DYM: variants seen among roughly 807,000 people sequenced by gnomAD.
The protein encoded by DYM is dyggve-Melchior-Clausen syndrome protein.
Under a neutral mutation model 93.1 loss-of-function variants are expected in DYM, and 78 were observed. The observed-to-expected ratio is 0.84, with a 90% CI of 0.70 to 1.01. The LOEUF (loss-of-function observed/expected upper bound fraction) is 1.01. DYM is among the 50% of genes least tolerant of loss of function. The probability of loss-of-function intolerance (pLI) is 0.00; values close to 1 mark genes in which losing one functional copy is unlikely to be tolerated. For missense variants in DYM, 789 were observed against 845.0 expected (o/e 0.93, Z 0.82); for synonymous variants, 321 against 319.7 (o/e 1.00, Z -0.04).
At chr18:49,353,982 G>C (rs1398477504) in intron 6 of DYM, among the ~76,000 whole-genome samples, 1 of 151,848 alleles carries the variant, frequency 6.6e-6, no homozygotes, top group Non-Finnish European at 1.5e-5. Flanking sequence ...ACACAAAATT[G>C]AAACAGCAGA....
chr18:49,140,839 A>C (rs149039875), intron 15 of DYM, among the ~76,000 whole-genome samples: 41 of 152,354 alleles, frequency 2.7e-4, no homozygotes, highest in African/African-American at 9.6e-4. Context: ...TCTCATGATT[A>C]ATTAATCTAG....
intron 13 of DYM, among the ~76,000 whole-genome samples, chr18:49,255,439 G>A (rs510201): frequency 0.65 from 98,170 of 151,866 alleles, 32,924 homozygotes; most frequent in Non-Finnish European, 0.74. Context: ...ACTTTGGGAG[G>A]CAAGGTGGGC....
At chr18:49,452,138 C>T (rs1016790615) in intron 1 of DYM, among the ~76,000 whole-genome samples, 9 of 152,120 alleles carry the variant, frequency 5.9e-5, no homozygotes, top group African/African-American at 1.7e-4. Context: ...TTCTTCAAGG[C>T]GGCATGTCCA....
chr18:49,189,561 A>G (rs989325492), intron 14 of DYM, among the ~76,000 whole-genome samples: 2 of 152,236 alleles, frequency 1.3e-5, no homozygotes, highest in African/African-American at 4.8e-5. Context: ...TGTGGGCAAA[A>G]AAGTAACAGA....
intron 16 of DYM, among the ~76,000 whole-genome samples, chr18:49,103,306 A>G (rs1378873775): frequency 1.3e-5 from 2 of 152,024 alleles, no homozygotes; most frequent in Non-Finnish European, 2.9e-5. Flanking sequence ...TAGATTCTGG[A>G]TATTAGCCCC....
chr18:49,305,475 G>C (rs1263497512), intron 8 of DYM, among the ~76,000 whole-genome samples: 3 of 152,086 alleles, frequency 2.0e-5, no homozygotes, highest in Non-Finnish European at 4.4e-5. Context: ...TTACCTCTTT[G>C]TAACTGAAAG....
chr18:49,119,054 C>A, intron 15 of DYM, 128 bp from the exon 16 acceptor site: 1 of 789,518 alleles, frequency 1.3e-6, no homozygotes, highest in East Asian at 2.7e-5. Flanking sequence ...AGAAGCTCAT[C>A]AAGATTATTT....
At chr18:49,114,685 G>T in intron 16 of DYM, 1 of 508,306 alleles carries the variant, frequency 2.0e-6, no homozygotes, top group Non-Finnish European at 2.5e-6. Flanking sequence ...GTGTGTGTGT[G>T]TGTGTTTAAG....
intron 11 of DYM, among the ~76,000 whole-genome samples, chr18:49,265,019 T>A (rs1488155710): frequency 6.6e-6 from 1 of 152,236 alleles, no homozygotes; most frequent in East Asian, 1.9e-4. Flanking sequence ...GCTCATTAAA[T>A]GCTTACCAAA....
chr18:49,274,799 A>G (rs1042676652), intron 10 of DYM, among the ~76,000 whole-genome samples: 1 of 152,034 alleles, frequency 6.6e-6, no homozygotes, highest in Admixed American at 6.6e-5. Flanking sequence ...AGAAATGTTT[A>G]CTCAGATCTT....
intron 8 of DYM, among the ~76,000 whole-genome samples, chr18:49,325,613 GA>G (rs2062823826): frequency 6.6e-6 from 1 of 152,086 alleles, no homozygotes; most frequent in Non-Finnish European, 1.5e-5. Context: ...TATAAAGTTT[GA>G]AAAAGGAAGA....
intron 2 of DYM, among the ~76,000 whole-genome samples, chr18:49,413,764 C>G (rs184846158): frequency 6.6e-6 from 1 of 152,298 alleles, no homozygotes; most frequent in Admixed American, 6.5e-5. Context: ...AATCCCAGCA[C>G]TTTGGGAGGC....
chr18:49,055,396 G>C (rs1041406311), intron 17 of DYM, among the ~76,000 whole-genome samples: 3 of 152,172 alleles, frequency 2.0e-5, no homozygotes, highest in South Asian at 2.1e-4. Flanking sequence ...AGTTGCCTAC[G>C]CGTCAACTCC....
At chr18:49,173,448 AGGT>A (rs1380709985) in intron 14 of DYM, among the ~76,000 whole-genome samples, 3 of 152,050 alleles carry the variant, frequency 2.0e-5, no homozygotes, top group African/African-American at 7.2e-5. Flanking sequence ...CTGTTTACTT[AGGT>A]CTTCCTTAAT....
At chr18:49,055,462 C>A (rs2075393436) in intron 17 of DYM, among the ~76,000 whole-genome samples, 1 of 152,210 alleles carries the variant, frequency 6.6e-6, no homozygotes, top group Non-Finnish European at 1.5e-5. Context: ...TCAATTCCTA[C>A]TTAGGAGGCT....
At chr18:49,063,837 C>G (rs1268602597) in intron 17 of DYM, among the ~76,000 whole-genome samples, 1 of 151,990 alleles carries the variant, frequency 6.6e-6, no homozygotes, top group African/African-American at 2.4e-5. Flanking sequence ...CCATGTTGAC[C>G]AGGCTGGTCT....
chr18:49,164,002 T>A lies in DYM; in HGVS notation c.1626-215A>T, dbSNP rs574861529. Among the ~76,000 whole-genome samples the A allele has an allele frequency of 7.2e-5, 11 of 152,216 alleles. No individual in the cohort carries two copies. The East Asian group carries it at 7.7e-4, about 11-fold the overall frequency. On this transcript the variant is annotated intron_variant, in intron 14 of 17. Transcript: ENST00000675505. ...TTTAAATCATAAGAATTCTAAAAAATTTTTTAATGACAGTTTAAAATTATG... is the reference window on the plus strand; with the variant it reads ...TTTAAATCATAAGAATTCTAAAAAAATTTTTAATGACAGTTTAAAATTATG...
At chr18:49,083,670 A>T (rs191496422) in intron 17 of DYM, among the ~76,000 whole-genome samples, 7 of 152,328 alleles carry the variant, frequency 4.6e-5, no homozygotes, top group African/African-American at 1.4e-4. Context: ...TAATTCATTT[A>T]AAAAATAGTG....
At chr18:49,421,805 C>T (rs1323626316) in intron 2 of DYM, among the ~76,000 whole-genome samples, 1 of 152,142 alleles carries the variant, frequency 6.6e-6, no homozygotes, top group African/African-American at 2.4e-5. Flanking sequence ...TAGAGAAGCC[C>T]TTAAATGACC....
Sources: gnomAD v4.1 joint callset for allele counts (sites outside exome capture counted in the v4.1 genomes callset) on GRCh38, gnomAD v4.1.1 for gene constraint, MANE v1.5 for transcripts, NCBI Gene and HGNC (gene_info 2026-07-23, HGNC 2026-07-21) for gene names.